The following MAP3K4 variants were observed in gnomAD, a reference collection of about 807,000 sequenced individuals.
MAP3K4 encodes the protein mitogen-activated protein kinase kinase kinase 4.
MAP3K4 carries 67 observed loss-of-function variants against 185.6 expected under a neutral mutation model. The ratio of observed to expected loss-of-function variants is 0.36; its 90% confidence interval spans 0.30 to 0.44. MAP3K4 has a LOEUF of 0.44. Ranked by LOEUF, MAP3K4 falls within the 20% of genes least tolerant of loss-of-function variation. MAP3K4 has a pLI of 1.00. For synonymous variants in MAP3K4, 702 were observed against 710.4 expected (o/e 0.99, Z 0.19); for missense variants, 1,551 against 1,995.1 (o/e 0.78, Z 4.24).
At position 161,098,178 on chromosome 6, in the gene MAP3K4, T is replaced by C. The variant is rs556211558; in HGVS notation, c.3525-100T>C. On this transcript the variant is annotated intron_variant, in intron 16 of 26. Coordinates refer to ENST00000392142, the MANE Select transcript of MAP3K4 (RefSeq NM_005922.4). This position sits in a 1 kb window ranked among gnomAD's most constrained non-coding sequence, Gnocchi z 4.4. ...AATTTGCATTTTATATTTTTAAATA[T>C]ATTTCACCCCCTTGCCATATTTTAT... The C allele has an allele frequency of 2.8e-4, 364 of 1,292,332 alleles. 6 individuals carry two copies. In the South Asian group the frequency reaches 5.0e-3, roughly 18 times the overall value. The allele number at this position is 1,292,332 out of a possible 1,614,324, so 80.1% of individuals were successfully genotyped here.
chr6:160,999,237 T>A (rs1019225043), intron 1 of MAP3K4, among the ~76,000 whole-genome samples: 1 of 152,232 alleles, frequency 6.6e-6, no homozygotes, highest in Non-Finnish European at 1.5e-5. Context: ...TGAATAGGGC[T>A]TGTTAGAGGA....
In MAP3K4 at chr6:161,110,191, C is replaced by T. The variant is rs920080904; in HGVS notation, c.4396+277C>T. Among the ~76,000 whole-genome samples, 7 of 152,206 alleles carry T rather than the reference C, an allele frequency of 4.6e-5. No individual in the cohort carries two copies. The highest frequency in any genetic ancestry group is 3.9e-4 in the Admixed American group (6 of 15,286). ...ATTTTTATAAGCTGATTTGGCATAGCCCGTGTACTTACCAGACATTCGTGA... is the reference window on the plus strand; with the variant it reads ...ATTTTTATAAGCTGATTTGGCATAGTCCGTGTACTTACCAGACATTCGTGA... On this transcript the variant is annotated intron_variant, in intron 23 of 26. Coordinates refer to ENST00000392142, the MANE Select transcript of MAP3K4 (RefSeq NM_005922.4). The surrounding 1 kb of genome is among the most constrained non-coding windows in gnomAD (Gnocchi z 4.8).
In MAP3K4 at chr6:161,007,396, A is replaced by C. The variant is rs1178171356; in HGVS notation, c.152+15313A>C. On this transcript the variant is annotated intron_variant, in intron 1 of 26. Transcript: ENST00000392142. The surrounding 1 kb of genome is among the most constrained non-coding windows in gnomAD (Gnocchi z 4.5). The stretch of plus-strand genomic sequence containing the variant: ...ACTGAGGAAGATAGAGGGAGGGCTA[A>C]TTTTACAATATGCAAGGACATGGTG... Among the ~76,000 whole-genome samples the C allele has an allele frequency of 6.6e-6, 1 of 152,162 alleles. No homozygotes were observed. The highest frequency in any genetic ancestry group is 1.9e-4 in the East Asian group (1 of 5,190).
At chr6:161,047,111 C>T (rs1257356729) in intron 2 of MAP3K4, among the ~76,000 whole-genome samples, 1 of 81,326 alleles carries the variant, frequency 1.2e-5, no homozygotes. Context: ...ATATATTTCA[C>T]TTATGCATAT....
Position 161,042,148 on chromosome 6 carries a change from G to A in MAP3K4, c.344-6468G>A, listed in dbSNP as rs115164232. Among the ~76,000 whole-genome samples, 1,204 of 151,968 alleles carry A rather than the reference G, an allele frequency of 7.9e-3. 15 individuals are homozygous for A. Among genetic ancestry groups the A allele is most frequent in the African/African-American group, 0.027 (1,123 of 41,420 alleles). On this transcript the variant is annotated intron_variant, in intron 2 of 26. Transcript: ENST00000392142. ...GATTAAACAAAAATGAGCTGGCTAA[G>A]GACTTGAATTATATCTACACAGTCC...
chr6:161,098,301 C>T lies in MAP3K4; in HGVS notation c.3548C>T (p.Ala1183Val), dbSNP rs1034822875. Residue 1183 changes from alanine to valine, a missense_variant, in exon 17 of 27, where the codon GCG becomes GTG. Ala to Val is a moderately conservative substitution (Grantham distance 64). Coordinates refer to ENST00000392142, the MANE Select transcript of MAP3K4 (RefSeq NM_005922.4). The surrounding 1 kb of genome is among the most constrained non-coding windows in gnomAD (Gnocchi z 4.4). ...GFSTRSMPSD[A>V]RSHGSPAAAA... Reference sequence around the variant, plus strand: ...AGCACTCGGAGCATGCCTTCCGACGCGCGGAGCCATGGCAGCCCTGCTGCT... The same window carrying T: ...AGCACTCGGAGCATGCCTTCCGACGTGCGGAGCCATGGCAGCCCTGCTGCT... The T allele has an allele frequency of 3.7e-6, 6 of 1,609,686 alleles. No homozygotes were observed. The highest frequency in any genetic ancestry group is 2.2e-5 in the East Asian group (1 of 44,652).
At chr6:160,998,330 A>G (rs1249588872) in intron 1 of MAP3K4, among the ~76,000 whole-genome samples, 1 of 152,244 alleles carries the variant, frequency 6.6e-6, no homozygotes, top group Non-Finnish European at 1.5e-5. Flanking sequence ...GAAAAAAGAT[A>G]TAAAAAATAC....
chr6:161,092,949 T>G (rs372616961), intron 13 of MAP3K4, 29 bp from the exon 14 acceptor site: 62 of 1,409,910 alleles, frequency 4.4e-5, no homozygotes, highest in Non-Finnish European at 6.1e-5. Flanking sequence ...TTGGTTGTTA[T>G]GTGATTACTG....
intron 1 of MAP3K4, among the ~76,000 whole-genome samples, chr6:161,030,234 T>A (rs991325117): frequency 6.6e-6 from 1 of 152,110 alleles, no homozygotes; most frequent in Non-Finnish European, 1.5e-5. Flanking sequence ...TCTCCCAATC[T>A]TTTTCTCTCT....
Position 161,084,703 on chromosome 6 carries a change from A to G in MAP3K4, c.2372+86A>G, listed in dbSNP as rs2114850107. The G allele has an allele frequency of 2.7e-6, 2 of 743,414 alleles. No individual in the cohort carries two copies. 46.1% of individuals were successfully genotyped at this position (743,414 alleles called of 1,614,324 possible). A position where few individuals can be genotyped will look rare whatever the true frequency, so the allele number is the denominator to read the frequency against. ...GAGATCCTAGAAGGAGCCTTGTTCA[A>G]ACCAAATTGTGTTGGCCTGGAAGAA... On this transcript the variant is annotated intron_variant, in intron 7 of 26. Transcript: ENST00000392142. The surrounding 1 kb of genome is among the most constrained non-coding windows in gnomAD (Gnocchi z 4.6).
Position 161,080,277 on chromosome 6 carries a change from G to A in MAP3K4, c.2098-604G>A, listed in dbSNP as rs1022689713. ...TTGATAGTTGAACCCTGCTGACCAC[G>A]GGATAAATCTAAAGGAGGATTTAAG... On this transcript the variant is annotated intron_variant, in intron 5 of 26. Transcript: ENST00000392142. This position sits in a 1 kb window ranked among gnomAD's most constrained non-coding sequence, Gnocchi z 4.8. 6.6e-6 allele frequency among the ~76,000 whole-genome samples: 1 copy of A among 152,166 alleles called. No homozygotes were observed. Among genetic ancestry groups the A allele is most frequent in the South Asian group, 2.1e-4 (1 of 4,830 alleles).
chr6:161,060,316 A>T (rs2165939), intron 3 of MAP3K4, among the ~76,000 whole-genome samples: 1 of 152,038 alleles, frequency 6.6e-6, no homozygotes, highest in Admixed American at 6.6e-5. Flanking sequence ...TTTATTTACT[A>T]TTTTTTAAAA....
Position 161,091,287 on chromosome 6 carries a change from CTG to C in MAP3K4, c.2974-87_2974-86del. ...CTGAATTGTTTGTAGTGGTTAATGT[CTG>C]TGTGATGATGAACGAAATCTTCCTT... On this transcript the variant is annotated intron_variant, in intron 11 of 26. Transcript: ENST00000392142. This position sits in a 1 kb window ranked among gnomAD's most constrained non-coding sequence, Gnocchi z 5.5. 1 of 1,023,228 alleles carries C rather than the reference CTG, an allele frequency of 9.8e-7. No homozygotes were observed. Among genetic ancestry groups the C allele is most frequent in the Non-Finnish European group, 1.4e-6 (1 of 700,402 alleles). The allele number at this position is 1,023,228 out of a possible 1,614,324, so 63.4% of individuals were successfully genotyped here.
At position 161,102,784 on chromosome 6, in the gene MAP3K4, G is replaced by A; in HGVS notation, c.3856+5G>A. ...CACTAATCAGCCAGAGTAAAGGTGA[G>A]AGAAAGAGTGTTGAAGTTAAAAAAA... On this transcript the variant is annotated splice_donor_5th_base_variant and intron_variant, in intron 19 of 26. Transcript: ENST00000392142. The A allele has an allele frequency of 9.2e-7, 1 of 1,082,686 alleles. No homozygotes were observed. Among genetic ancestry groups the A allele is most frequent in the South Asian group, 1.6e-5 (1 of 63,348 alleles). 67.1% of individuals were successfully genotyped at this position (1,082,686 alleles called of 1,614,324 possible). A position where few individuals can be genotyped will look rare whatever the true frequency, so the allele number is the denominator to read the frequency against.
At chr6:160,999,700 C>G (rs1781178753) in intron 1 of MAP3K4, among the ~76,000 whole-genome samples, 1 of 152,166 alleles carries the variant, frequency 6.6e-6, no homozygotes, top group Admixed American at 6.5e-5. Context: ...TCGCCATGTG[C>G]TCCCCTGGTC....
At chr6:161,058,402 A>G (rs926730787) in intron 3 of MAP3K4, among the ~76,000 whole-genome samples, 20 of 152,306 alleles carry the variant, frequency 1.3e-4, no homozygotes, top group African/African-American at 3.8e-4. Flanking sequence ...ACCTGTTTAC[A>G]TGACTTACTG....
At chr6:161,072,143 A>G (rs1784973673) in intron 4 of MAP3K4, among the ~76,000 whole-genome samples, 1 of 152,236 alleles carries the variant, frequency 6.6e-6, no homozygotes, top group South Asian at 2.1e-4. Flanking sequence ...TAATTATATA[A>G]TCTGAACAGA....
At position 161,087,859 on chromosome 6, in the gene MAP3K4, G is replaced by A; in HGVS notation, c.2728G>A (p.Ala910Thr). The change falls in exon 10 of 27, where the codon GCC becomes ACC. Residue 910 changes from alanine to threonine, a missense_variant. Physicochemically the swap from Ala to Thr is moderately conservative, Grantham distance 58. Around this residue, in one of 16 missense-constraint regions of MAP3K4, gnomAD observed 261 missense variants for 306.5 expected, o/e 0.85. Coordinates refer to ENST00000392142, the MANE Select transcript of MAP3K4 (RefSeq NM_005922.4). This position sits in a 1 kb window ranked among gnomAD's most constrained non-coding sequence, Gnocchi z 4.9. ...GCTTCTGACCAAGCACGGTGATCGAGCCCGTGATTCAGAGGACAGCTGGGG... is the reference window on the plus strand; with the variant it reads ...GCTTCTGACCAAGCACGGTGATCGAACCCGTGATTCAGAGGACAGCTGGGG... ...YLLLTKHGDRARDSEDSWGTW... is the reference protein window; with the variant it reads ...YLLLTKHGDRTRDSEDSWGTW... 1 of 1,614,136 alleles carries A rather than the reference G, an allele frequency of 6.2e-7. No individual in the cohort carries two copies. Among genetic ancestry groups the A allele is most frequent in the Non-Finnish European group, 8.5e-7 (1 of 1,180,028 alleles).
Position 161,080,905 on chromosome 6 carries a change from T to G in MAP3K4, c.2122T>G (p.Trp708Gly), listed in dbSNP as rs770761128. The change falls in exon 6 of 27, where the codon TGG becomes GGG. Residue 708 changes from tryptophan to glycine, a missense_variant. Around this residue, in one of 16 missense-constraint regions of MAP3K4, gnomAD observed 130 missense variants for 171.3 expected, o/e 0.76. Coordinates refer to ENST00000392142, the MANE Select transcript of MAP3K4 (RefSeq NM_005922.4). This position sits in a 1 kb window ranked among gnomAD's most constrained non-coding sequence, Gnocchi z 4.8. ...LMVYFDYMRS[W>G]IQMLQQLPQA... is the part of the protein sequence containing the mutation. ...GGTGTATTTTGATTACATGAGAAGC[T>G]GGATCCAAATGCTACAGCAATTACC... 6.2e-7 allele frequency: 1 copy of G among 1,614,152 alleles called. No homozygotes were observed. Among genetic ancestry groups the G allele is most frequent in the Non-Finnish European group, 8.5e-7 (1 of 1,180,016 alleles).
Sources: allele counts gnomAD v4.1 joint callset (sites outside exome capture counted in the v4.1 genomes callset), GRCh38; gene constraint gnomAD v4.1.1; regional missense constraint gnomAD v4.1.1; non-coding constraint Gnocchi (gnomAD v3.1); transcripts MANE v1.5; gene names NCBI Gene and HGNC (gene_info 2026-07-23, HGNC 2026-07-21).